ST18: variants seen among roughly 807,000 people sequenced by gnomAD.
ST18 encodes the protein suppression of tumorigenicity 18 protein.
In ST18, 50 loss-of-function variants were observed where a neutral mutation model predicts 110.0. The observed-to-expected ratio is 0.45, with a 90% CI of 0.36 to 0.58. ST18 has a LOEUF of 0.58. ST18 is among the 20% of genes least tolerant of loss of function. The pLI, the probability that ST18 is intolerant of heterozygous loss-of-function variation, is 0.00. For missense variants in ST18, 1,306 were observed against 1,280.1 expected (o/e 1.02, Z -0.31); for synonymous variants, 461 against 452.4 (o/e 1.02, Z -0.24).
chr8:52,139,201 T>C (rs1278193244), intron 17 of ST18, among the ~76,000 whole-genome samples: 2 of 152,092 alleles, frequency 1.3e-5, no homozygotes, highest in Non-Finnish European at 2.9e-5. Context: ...ACTCACTAAA[T>C]GTAAAAAAAT....
At chr8:52,116,899 C>T (rs1173273457) in intron 24 of ST18, among the ~76,000 whole-genome samples, 1 of 152,096 alleles carries the variant, frequency 6.6e-6, no homozygotes, top group African/African-American at 2.4e-5. Context: ...GACTGTGCTA[C>T]CTTCTCGTGG....
intron 2 of ST18, among the ~76,000 whole-genome samples, chr8:52,241,384 A>C (rs2093385025): frequency 6.6e-6 from 1 of 152,200 alleles, no homozygotes; most frequent in Non-Finnish European, 1.5e-5. Flanking sequence ...TAGAGGAAAA[A>C]TAGAATTGGC....
chr8:52,319,074 C>T (rs1019616410), intron 2 of ST18, among the ~76,000 whole-genome samples: 3 of 151,788 alleles, frequency 2.0e-5, no homozygotes, highest in African/African-American at 7.3e-5. Context: ...TACATGTACC[C>T]CTGAACTTAA....
At chr8:52,256,525 G>A (rs191174834) in intron 2 of ST18, among the ~76,000 whole-genome samples, 71 of 152,190 alleles carry the variant, frequency 4.7e-4, no homozygotes, top group South Asian at 1.2e-3. Flanking sequence ...AGTGCGCTCC[G>A]TCATCTAATC....
intron 2 of ST18, chr8:52,404,565 TTTCGGGAACTAAC>T (rs1268443164): frequency 5.3e-5 from 8 of 152,162 alleles, no homozygotes; most frequent in Non-Finnish European, 4.4e-5. Context: ...CCAGCACTGT[TTTCGGGAACTAAC>T]TTCAGCAAAA....
intron 2 of ST18, among the ~76,000 whole-genome samples, chr8:52,279,963 T>A (rs2095344199): frequency 6.6e-6 from 1 of 152,130 alleles, no homozygotes; most frequent in Non-Finnish European, 1.5e-5. Context: ...GCTAAACAGA[T>A]ACCAATGCTA....
chr8:52,365,261 G>A (rs979809498), intron 2 of ST18, among the ~76,000 whole-genome samples: 3 of 151,948 alleles, frequency 2.0e-5, no homozygotes, highest in African/African-American at 7.3e-5. Flanking sequence ...TTCTAATTGA[G>A]CTTTGTCATA....
chr8:52,391,776 T>C (rs1022719742), intron 2 of ST18, among the ~76,000 whole-genome samples: 2 of 152,160 alleles, frequency 1.3e-5, no homozygotes, highest in Non-Finnish European at 1.5e-5. Context: ...ATCCCTGTCA[T>C]TGGGCAACAC....
intron 2 of ST18, among the ~76,000 whole-genome samples, chr8:52,320,921 C>T (rs539450193): frequency 1.3e-5 from 2 of 152,126 alleles, no homozygotes; most frequent in African/African-American, 2.4e-5. Flanking sequence ...AAGAAATGCT[C>T]ATCAATAGGG....
Position 52,172,554 on chromosome 8 carries a change from T to G in ST18, c.307A>C (p.Ser103Arg), listed in dbSNP as rs1386294714. Residue 103 changes from serine to arginine, a missense_variant, in exon 10 of 26, where the codon AGT becomes CGT. Coordinates refer to ENST00000689386, the MANE Select transcript of ST18 (RefSeq NM_001352837.2). ...TTTTCTTGTGCAGTTGAAAGAAGAC[T>G]TTCATCCATAGGTTTTATCATGATT... ...EEIMIKPMDE[S>R]LLSTAQENSS... The G allele has an allele frequency of 6.3e-7, 1 of 1,594,542 alleles. No individual in the cohort carries two copies. The highest frequency in any genetic ancestry group is 8.5e-7 in the Non-Finnish European group (1 of 1,172,662).
rs117666169 is a variant in ST18 at position 52,193,866 on chromosome 8, C to T, written c.87-13554G>A. Among the ~76,000 whole-genome samples, 95 of 152,294 alleles carry T rather than the reference C, an allele frequency of 6.2e-4. 1 individual carries two copies. The East Asian group carries it at 0.018, about 29-fold the overall frequency. On this transcript the variant is annotated intron_variant, in intron 8 of 25. Coordinates refer to ENST00000689386, the MANE Select transcript of ST18 (RefSeq NM_001352837.2). ...ACTTTGTGACCACACTCATGTTTAC[C>T]GAGCTACAGTGTGTCCAACAGTTAA...
At position 52,159,061 on chromosome 8, in the gene ST18, G is replaced by A. The variant is rs1035109085; in HGVS notation, c.1643C>T (p.Ala548Val). 2.5e-6 allele frequency: 4 copies of A among 1,614,156 alleles called. No homozygotes were observed. Among genetic ancestry groups the A allele is most frequent in the African/African-American group, 1.3e-5 (1 of 75,050 alleles). ...PVKFPNRLPS[A>V]GAHTQSPGRA... The stretch of plus-strand genomic sequence containing the variant: ...GCCAGGGCTCTGGGTGTGGGCGCCT[G>A]CACTAGGCAGTCGATTAGGAAATTT... Residue 548 changes from alanine (A) to valine (V), a missense_variant, in exon 15 of 26, where the codon GCA (alanine) becomes GTA (valine). Coordinates refer to ENST00000689386, the MANE Select transcript of ST18 (RefSeq NM_001352837.2).
At chr8:52,268,073 A>G (rs979968039) in intron 2 of ST18, among the ~76,000 whole-genome samples, 1 of 152,232 alleles carries the variant, frequency 6.6e-6, no homozygotes, top group Admixed American at 6.5e-5. Flanking sequence ...AATAGAATGC[A>G]TTAGGAATGT....
At position 52,161,365 on chromosome 8, in the gene ST18, C is replaced by G. The variant is rs1409936279; in HGVS notation, c.1594+10G>C. ...ATTTTGGGGAAACGGCATTAGAGCT[C>G]AAAGCTTACATTCAGGAAATGGTGG... is the stretch of plus-strand genomic sequence containing the variant. On this transcript the variant is annotated intron_variant, in intron 14 of 25. Transcript: ENST00000689386. 1 of 1,611,742 alleles carries G rather than the reference C, an allele frequency of 6.2e-7. No homozygotes were observed. Among genetic ancestry groups the G allele is most frequent in the Admixed American group, 1.7e-5 (1 of 59,884 alleles).
intron 22 of ST18, among the ~76,000 whole-genome samples, chr8:52,127,830 A>G (rs1208507782): frequency 6.6e-6 from 1 of 151,568 alleles, no homozygotes; most frequent in Non-Finnish European, 1.5e-5. Context: ...AAAAAAGGGC[A>G]GGAAAAATAT....
chr8:52,229,445 G>A (rs575557433), intron 3 of ST18, among the ~76,000 whole-genome samples: 54 of 152,280 alleles, frequency 3.5e-4, no homozygotes, highest in African/African-American at 1.3e-3. Context: ...CTTGCAGGTT[G>A]TAAACTGAGA....
chr8:52,329,962 A>G (rs1454342442), intron 2 of ST18, among the ~76,000 whole-genome samples: 3 of 152,116 alleles, frequency 2.0e-5, no homozygotes, highest in Non-Finnish European at 4.4e-5. Context: ...TGTGCTATGG[A>G]GTGCCACGGT....
chr8:52,305,806 T>A (rs1471678393), intron 2 of ST18, among the ~76,000 whole-genome samples: 1 of 152,228 alleles, frequency 6.6e-6, no homozygotes, highest in African/African-American at 2.4e-5. Context: ...AAGCACTCAA[T>A]CTGCTGCCTG....
At chr8:52,188,903 G>A (rs942408755) in intron 8 of ST18, among the ~76,000 whole-genome samples, 6 of 152,184 alleles carry the variant, frequency 3.9e-5, no homozygotes, top group African/African-American at 1.4e-4. Context: ...AGATGGGTAG[G>A]ACTTGCAGAA....
Sources: allele counts gnomAD v4.1 joint callset (sites outside exome capture counted in the v4.1 genomes callset), GRCh38; gene constraint gnomAD v4.1.1; transcripts MANE v1.5; gene names NCBI Gene and HGNC (gene_info 2026-07-23, HGNC 2026-07-21).